Variants in TTLL8 observed in about 807,000 individuals in gnomAD.
The protein encoded by TTLL8 is tubulin tyrosine ligase like 8.
In TTLL8, 65 loss-of-function variants were observed where a neutral mutation model predicts 77.8. The ratio of observed to expected loss-of-function variants is 0.84; its 90% CI spans 0.68 to 1.03. The LOEUF (loss-of-function observed/expected upper bound fraction) is 1.03, where lower values mean the gene tolerates loss of function less well. Among genes scored for constraint, TTLL8 ranks in the 50% least tolerant of loss-of-function variants. TTLL8 has a pLI of 0.00. For missense variants in TTLL8, 910 were observed against 1,004.5 expected, an observed-to-expected ratio of 0.91 and a Z score of 1.27; for synonymous variants, 402 against 422.8, an observed-to-expected ratio of 0.95 and a Z score of 0.60.
At chr22:50,046,802 G>A (rs947775258) in intron 4 of TTLL8, among the ~76,000 whole-genome samples, 2 of 152,216 alleles carry the variant, frequency 1.3e-5, no homozygotes, top group African/African-American at 2.4e-5. Flanking sequence ...GCTGGAGGCC[G>A]GGGGAGGCGG....
intron 10 of TTLL8, among the ~76,000 whole-genome samples, chr22:50,032,794 G>A (rs1806363279): frequency 6.6e-6 from 1 of 152,190 alleles, no homozygotes; most frequent in Non-Finnish European, 1.5e-5. Flanking sequence ...TGCCCACGCG[G>A]GGACCCGGGT....
chr22:50,031,445 G>C (rs1437778000), intron 11 of TTLL8, among the ~76,000 whole-genome samples: 1 of 152,208 alleles, frequency 6.6e-6, no homozygotes, highest in Non-Finnish European at 1.5e-5. Context: ...GAGCGGGGCC[G>C]CTCCGCCCGC....
rs758088402 is a variant in TTLL8, at chr22:50,041,511, G to A, written c.830+110C>T. The A allele has an allele frequency of 1.7e-4, 208 of 1,217,936 alleles. No individual in the cohort carries two copies. The highest frequency in any genetic ancestry group is 2.1e-4 in the Non-Finnish European group (203 of 950,040). The allele number at this position is 1,217,936 out of a possible 1,614,324, so 75.4% of individuals were successfully genotyped here. ...CTCAACACTCAATACCCCACAGGTA[G>A]CCTAATGCCCAGACAGGTGACCCAG... On this transcript the variant is annotated intron_variant, in intron 7 of 13. Coordinates refer to ENST00000266182, the Ensembl canonical transcript of TTLL8. This position sits in a 1 kb window ranked among gnomAD's most constrained non-coding sequence, Gnocchi z 4.3.
intron 10 of TTLL8, 61 bp from the exon 12 acceptor site, chr22:50,032,170 C>G: frequency 3.1e-6 from 4 of 1,296,536 alleles, no homozygotes; most frequent in African/African-American, 3.0e-5. Flanking sequence ...CACCCAAGGC[C>G]GGTCCTCCCA....
intron 1 of TTLL8, 57 bp from the exon 4 acceptor site, chr22:50,050,304 A>T: frequency 7.9e-7 from 1 of 1,264,022 alleles, no homozygotes; most frequent in Non-Finnish European, 1.0e-6. Context: ...GAATAGGCAG[A>T]TTTTGGTTGC....
At chr22:50,055,624 C>T (rs2061466643), upstream of TTLL8, among the ~76,000 whole-genome samples, 1 of 147,908 alleles carries the variant, frequency 6.8e-6, no homozygotes, top group African/African-American at 2.5e-5. Context: ...CATTGCACTC[C>T]AGCATGGGCA....
intron 8 of TTLL8, among the ~76,000 whole-genome samples, chr22:50,036,588 CTTTCT>C (rs1282933071): frequency 6.6e-6 from 1 of 150,496 alleles, no homozygotes; most frequent in Non-Finnish European, 1.5e-5. Flanking sequence ...TGTGTGGCCT[CTTTCT>C]TTTCTTTTCT....
chr22:50,055,381 C>T (rs985117710), upstream of TTLL8: 12 of 1,251,200 alleles, frequency 9.6e-6, no homozygotes, highest in African/African-American at 6.2e-5. Flanking sequence ...AGGCCAGGCA[C>T]GGTGGCTCAT....
intron 10 of TTLL8, among the ~76,000 whole-genome samples, chr22:50,032,391 TG>T (rs774180083): frequency 2.0e-5 from 3 of 152,200 alleles, no homozygotes; most frequent in Non-Finnish European, 4.4e-5. Flanking sequence ...CTGCCCTGCC[TG>T]GGAGCTGCTT....
Position 50,041,521 on chromosome 22 carries a change from C to A in TTLL8, c.830+100G>T. On this transcript the variant is annotated intron_variant, in intron 7 of 13. Coordinates refer to ENST00000266182, the Ensembl canonical transcript of TTLL8. The surrounding 1 kb of genome is among the most constrained non-coding windows in gnomAD (Gnocchi z 4.3). ...AATACCCCACAGGTAGCCTAATGCCCAGACAGGTGACCCAGTTCCCAGAGG... is the reference window on the plus strand; with the variant it reads ...AATACCCCACAGGTAGCCTAATGCCAAGACAGGTGACCCAGTTCCCAGAGG... 8.2e-7 allele frequency: 1 copy of A among 1,225,538 alleles called. No individual in the cohort carries two copies. The highest frequency in any genetic ancestry group is 1.0e-6 in the Non-Finnish European group (1 of 952,848). 75.9% of individuals were successfully genotyped at this position (1,225,538 alleles called of 1,614,324 possible).
intron 8 of TTLL8, among the ~76,000 whole-genome samples, chr22:50,040,650 C>T (rs1372600122): frequency 1.3e-5 from 2 of 152,174 alleles, no homozygotes; most frequent in Non-Finnish European, 2.9e-5. Context: ...CACTGTGTGC[C>T]CTTAACCGTA....
chr22:50,018,922 G>A (rs1385849819), intron 12 of TTLL8, among the ~76,000 whole-genome samples, 131 bp from the exon 14 acceptor site: 1 of 152,236 alleles, frequency 6.6e-6, no homozygotes, highest in Admixed American at 6.5e-5. Context: ...CTGAGACTCA[G>A]GAAGAGTGAA....
In TTLL8 at chr22:50,026,409, G is replaced by A. The variant is rs1213847631; in HGVS notation, c.2203+4021C>T. Among the ~76,000 whole-genome samples the A allele has an allele frequency of 1.8e-5, 2 of 114,010 alleles. 1 individual carries two copies. Among genetic ancestry groups the A allele is most frequent in the Admixed American group, 1.9e-4 (2 of 10,562 alleles). 74.8% of individuals were successfully genotyped at this position (114,010 alleles called of 152,430 possible). On this transcript the variant is annotated intron_variant, in intron 12 of 13. Transcript: ENST00000266182. The stretch of plus-strand genomic sequence containing the variant: ...AATACACCCGCCATTCTGCACCGCC[G>A]CCACCTCAGAGCGGAGGGTCAGACA...
At chr22:50,056,695 C>T (rs183073113), upstream of TTLL8, 111 of 954,726 alleles carry the variant, frequency 1.2e-4, 1 homozygote, top group East Asian at 0.01. The surrounding 1 kb of genome is among the most constrained non-coding windows in gnomAD (Gnocchi z 4.1). Flanking sequence ...CCCCCCAACA[C>T]CCCTGGGGTC....
chr22:50,058,242 A>C (rs2061497826), upstream of TTLL8, among the ~76,000 whole-genome samples: 1 of 149,716 alleles, frequency 6.7e-6, no homozygotes, highest in African/African-American at 2.5e-5. This position sits in a 1 kb window ranked among gnomAD's most constrained non-coding sequence, Gnocchi z 4.2. Flanking sequence ...CGCATTGTGC[A>C]CCCCCGGTGC....
chr22:50,023,173 A>G (rs1468303917), intron 12 of TTLL8, among the ~76,000 whole-genome samples: 1 of 152,282 alleles, frequency 6.6e-6, no homozygotes, highest in Non-Finnish European at 1.5e-5. Context: ...TGTAAAATAT[A>G]CTTATAAAAG....
chr22:50,058,186 C>T (rs2061497264), upstream of TTLL8, among the ~76,000 whole-genome samples: 1 of 151,854 alleles, frequency 6.6e-6, no homozygotes, highest in South Asian at 2.1e-4. The surrounding 1 kb of genome is among the most constrained non-coding windows in gnomAD (Gnocchi z 4.2). Context: ...CGCTGCGCCG[C>T]CCGGCTTCCT....
At chr22:50,030,550 G>C (rs767421132) in exon 12 of TTLL8, 1 of 1,319,030 alleles carries the variant, frequency 7.6e-7, no homozygotes, top group Non-Finnish European at 1.0e-6. Context: ...TGGGCTACGG[G>C]GACACCGGTG....
At chr22:50,056,663 G>T (rs1406989780), upstream of TTLL8, 69 of 730,826 alleles carry the variant, frequency 9.4e-5, no homozygotes, top group Non-Finnish European at 1.1e-4. This position sits in a 1 kb window ranked among gnomAD's most constrained non-coding sequence, Gnocchi z 4.1. Context: ...TGGGATCGGG[G>T]TACAGGAGGC....
Sources: allele counts gnomAD v4.1 joint callset (sites outside exome capture counted in the v4.1 genomes callset), GRCh38; gene constraint gnomAD v4.1.1; non-coding constraint Gnocchi (gnomAD v3.1); transcripts MANE v1.5; gene names NCBI Gene and HGNC (gene_info 2026-07-23, HGNC 2026-07-21).